Variants in MAP3K4 observed in about 807,000 individuals in gnomAD.
MAP3K4 encodes the protein mitogen-activated protein kinase kinase kinase 4.
A neutral mutation model predicts 185.6 loss-of-function variants in MAP3K4; 67 were observed. The ratio of observed to expected loss-of-function variants is 0.36; its 90% confidence interval spans 0.30 to 0.44. MAP3K4 has a LOEUF of 0.44. MAP3K4 is among the 20% of genes least tolerant of loss of function. The pLI is 1.00. For synonymous variants in MAP3K4, 702 were observed against 710.4 expected (o/e 0.99, Z 0.19); for missense variants, 1,551 against 1,995.1 (o/e 0.78, Z 4.24).
chr6:161,015,275 T>TG (rs1050360605), intron 1 of MAP3K4, among the ~76,000 whole-genome samples: 7 of 145,004 alleles, frequency 4.8e-5, no homozygotes, highest in Non-Finnish European at 4.5e-5. Context: ...CATGGACACA[T>TG]GGGGGGGAAA....
At chr6:161,102,498 TA>T (rs1367262002) in intron 18 of MAP3K4, among the ~76,000 whole-genome samples, 200 bp from the exon 19 acceptor site, 1 of 152,158 alleles carries the variant, frequency 6.6e-6, no homozygotes, top group Non-Finnish European at 1.5e-5. Context: ...TAAAATCCTG[TA>T]ACCCCATTAA....
At chr6:160,999,350 A>C (rs557481908) in intron 1 of MAP3K4, among the ~76,000 whole-genome samples, 2 of 152,316 alleles carry the variant, frequency 1.3e-5, no homozygotes, top group East Asian at 3.9e-4. Flanking sequence ...TAAAATCCTA[A>C]AGTCTTTTTA....
rs918962336 is a variant in MAP3K4 at position 161,062,919 on chromosome 6, TAC to T, written c.1708-7687_1708-7686del. ...TAAATTTCTAGTGAGTTTCTTAACT[TAC>T]AGTTTCACATTTTTGCTTCACTGAC... On this transcript the variant is annotated intron_variant, in intron 3 of 26. Coordinates refer to ENST00000392142, the MANE Select transcript of MAP3K4 (RefSeq NM_005922.4). Among the ~76,000 whole-genome samples, 142 of 151,974 alleles carry T rather than the reference TAC, an allele frequency of 9.3e-4. 1 individual carries two copies. Among genetic ancestry groups the T allele is most frequent in the African/African-American group, 3.2e-3 (133 of 41,502 alleles).
intron 11 of MAP3K4, 82 bp downstream of exon 11, chr6:161,089,553 C>T (rs1562532207): frequency 6.8e-7 from 1 of 1,467,642 alleles, no homozygotes; most frequent in Non-Finnish European, 9.2e-7. Context: ...AAGGTAATAT[C>T]ATCCAAGGAA....
At chr6:161,005,939 C>A (rs1386692183) in intron 1 of MAP3K4, among the ~76,000 whole-genome samples, 1 of 152,128 alleles carries the variant, frequency 6.6e-6, no homozygotes, top group African/African-American at 2.4e-5. Context: ...AGGTGCCCGC[C>A]ACCGTGCCTG....
At position 161,100,493 on chromosome 6, in the gene MAP3K4, G is replaced by T. The variant is rs924980814; in HGVS notation, c.3675-1399G>T. Among the ~76,000 whole-genome samples, 1 of 152,210 alleles carries T rather than the reference G, an allele frequency of 6.6e-6. No homozygotes were observed. Among genetic ancestry groups the T allele is most frequent in the African/African-American group, 2.4e-5 (1 of 41,454 alleles). The stretch of plus-strand genomic sequence containing the variant: ...GTTTGTAAAAACACTTTGCAGTGGT[G>T]CTCTTGCTGAGGCTTGCTCCTGCTG... On this transcript the variant is annotated intron_variant, in intron 17 of 26. Coordinates refer to ENST00000392142, the MANE Select transcript of MAP3K4 (RefSeq NM_005922.4). The surrounding 1 kb of genome is among the most constrained non-coding windows in gnomAD (Gnocchi z 5.8).
intron 18 of MAP3K4, 144 bp downstream of exon 18, chr6:161,102,136 C>A: frequency 1.6e-6 from 1 of 638,322 alleles, no homozygotes; most frequent in Non-Finnish European, 2.7e-6. Context: ...GAGTAAGAAG[C>A]ACAGAGCTTT....
chr6:161,099,495 C>T (rs774956521), intron 17 of MAP3K4, among the ~76,000 whole-genome samples: 1 of 152,194 alleles, frequency 6.6e-6, no homozygotes, highest in Non-Finnish European at 1.5e-5. Flanking sequence ...CAACATTGAA[C>T]AAATTCCCAT....
At chr6:161,013,465 C>A (rs1188631461) in intron 1 of MAP3K4, among the ~76,000 whole-genome samples, 1 of 152,106 alleles carries the variant, frequency 6.6e-6, no homozygotes, top group Non-Finnish European at 1.5e-5. Flanking sequence ...AGTTTTCTTT[C>A]ATTTCTTTAA....
chr6:161,080,997 T>C lies in MAP3K4; in HGVS notation c.2214T>C (p.His738=). Residue 738 remains histidine, a synonymous_variant, in exon 6 of 27, where the codon CAT becomes CAC. Coordinates refer to ENST00000392142, the MANE Select transcript of MAP3K4 (RefSeq NM_005922.4). The surrounding 1 kb of genome is among the most constrained non-coding windows in gnomAD (Gnocchi z 4.8). ...EEWNFTKEIT[H]YIRGGEAQAG... is the part of the protein sequence containing the mutation. ...GGAATTTCACCAAAGAAATAACTCA[T>C]TACATACGGGGAGGAGAAGCACAGG... 1 of 1,614,164 alleles carries C rather than the reference T, an allele frequency of 6.2e-7. No homozygotes were observed. The highest frequency in any genetic ancestry group is 8.5e-7 in the Non-Finnish European group (1 of 1,180,030).
At position 161,041,917 on chromosome 6, in the gene MAP3K4, TTTTTTTTTC is replaced by T. The variant is rs1478071399; in HGVS notation, c.344-6690_344-6682del. Among the ~76,000 whole-genome samples, 7 of 55,740 alleles carry T rather than the reference TTTTTTTTTC, an allele frequency of 1.3e-4. No individual in the cohort carries two copies. In the East Asian group the frequency reaches 1.4e-3, roughly 11 times the overall value. 36.6% of individuals were successfully genotyped at this position (55,740 alleles called of 152,430 possible). On this transcript the variant is annotated intron_variant, in intron 2 of 26. Coordinates refer to ENST00000392142, the MANE Select transcript of MAP3K4 (RefSeq NM_005922.4). ...AAGGCCTTGAGTTATTGTTTCTTTTTTTTTTTTTCTTTTTTTTTTTTTTAGAGATGGGGT... is the reference window on the plus strand; with the variant it reads ...AAGGCCTTGAGTTATTGTTTCTTTTTTTTTTTTTTTTTTTAGAGATGGGGT...
In MAP3K4 at chr6:161,070,022, A is replaced by G. The variant is rs1784869182; in HGVS notation, c.1708-586A>G. On this transcript the variant is annotated intron_variant, in intron 3 of 26. Coordinates refer to ENST00000392142, the MANE Select transcript of MAP3K4 (RefSeq NM_005922.4). The surrounding 1 kb of genome is among the most constrained non-coding windows in gnomAD (Gnocchi z 4.5). Reference sequence around the variant, plus strand: ...CGCAACACTAGGGTTCCCGGGAAGCATCACAAAACGGATAACTGAGTCATG... The same window carrying G: ...CGCAACACTAGGGTTCCCGGGAAGCGTCACAAAACGGATAACTGAGTCATG... Among the ~76,000 whole-genome samples, 1 of 152,222 alleles carries G rather than the reference A, an allele frequency of 6.6e-6. No homozygotes were observed. The highest frequency in any genetic ancestry group is 1.5e-5 in the Non-Finnish European group (1 of 68,050).
chr6:161,099,525 G>A (rs1005395477), intron 17 of MAP3K4, among the ~76,000 whole-genome samples: 3 of 152,146 alleles, frequency 2.0e-5, no homozygotes, highest in African/African-American at 4.8e-5. Flanking sequence ...TAGTTTTTAC[G>A]TTTAGAGCTT....
chr6:161,069,551 GT>G (rs1784844096), intron 3 of MAP3K4, among the ~76,000 whole-genome samples: 1 of 152,122 alleles, frequency 6.6e-6, no homozygotes, highest in African/African-American at 2.4e-5. Flanking sequence ...AGCTCAAGTT[GT>G]TTGGGCCATA....
At position 161,086,725 on chromosome 6, in the gene MAP3K4, C is replaced by A; in HGVS notation, c.2556+58C>A. 1 of 1,398,936 alleles carries A rather than the reference C, an allele frequency of 7.1e-7. No individual in the cohort carries two copies. Among genetic ancestry groups the A allele is most frequent in the Non-Finnish European group, 1.0e-6 (1 of 1,000,490 alleles). The allele number at this position is 1,398,936 out of a possible 1,614,324, so 86.7% of individuals were successfully genotyped here. A position where few individuals can be genotyped will look rare whatever the true frequency, so the allele number is the denominator to read the frequency against. The stretch of plus-strand genomic sequence containing the variant: ...TTGCCTTTCCTTCTTTATTCTAAAA[C>A]AGGCAGACTTTTTCTTGAAGGTCCA... On this transcript the variant is annotated intron_variant, in intron 9 of 26. Transcript: ENST00000392142. The surrounding 1 kb of genome is among the most constrained non-coding windows in gnomAD (Gnocchi z 4.8).
chr6:161,002,050 GTTTTTTTTTTTT>G (rs77347524), intron 1 of MAP3K4, among the ~76,000 whole-genome samples: 1 of 112,464 alleles, frequency 8.9e-6, no homozygotes, highest in Non-Finnish European at 1.8e-5. Context: ...TAAGAAAAAG[GTTTTTTTTTTTT>G]TTTTTTTTTG....
chr6:161,031,638 C>T (rs1411990653), intron 1 of MAP3K4, among the ~76,000 whole-genome samples: 3 of 152,186 alleles, frequency 2.0e-5, no homozygotes, highest in African/African-American at 4.8e-5. Context: ...CTCTGCATTG[C>T]ATTAATTCAT....
rs1459791572 is a variant in MAP3K4, at chr6:161,106,428, T to C, written c.3857-86T>C. On this transcript the variant is annotated intron_variant, in intron 19 of 26. Transcript: ENST00000392142. This position sits in a 1 kb window ranked among gnomAD's most constrained non-coding sequence, Gnocchi z 4.9. ...TTTGCTGTAATGGAGTGCTAATATA[T>C]ATTGCTCTATTTTTATTGGTTTGTC... 1 of 889,278 alleles carries C rather than the reference T, an allele frequency of 1.1e-6. No homozygotes were observed. The allele number at this position is 889,278 out of a possible 1,614,324, so 55.1% of individuals were successfully genotyped here.
intron 3 of MAP3K4, among the ~76,000 whole-genome samples, chr6:161,068,552 T>C (rs574469686): frequency 6.6e-6 from 1 of 152,278 alleles, no homozygotes; most frequent in South Asian, 2.1e-4. Flanking sequence ...CAGTGAAGCA[T>C]TGCATTTTAA....
Sources: allele counts gnomAD v4.1 joint callset (sites outside exome capture counted in the v4.1 genomes callset), GRCh38; gene constraint gnomAD v4.1.1; non-coding constraint Gnocchi (gnomAD v3.1); transcripts MANE v1.5; gene names NCBI Gene and HGNC (gene_info 2026-07-23, HGNC 2026-07-21).